Variants in SLC38A1 observed in about 807,000 individuals in gnomAD.
The protein encoded by SLC38A1 is solute carrier family 38 member 1.
SLC38A1 carries 18 observed loss-of-function variants against 60.3 expected under a neutral mutation model. The observed-to-expected ratio is 0.30, with a 90% CI of 0.21 to 0.44. The LOEUF is 0.44. Ranked by LOEUF, SLC38A1 falls within the 20% of genes least tolerant of loss-of-function variation. The pLI is 1.00. For missense variants in SLC38A1, 448 were observed against 587.2 expected (o/e 0.76, Z 2.45); for synonymous variants, 196 against 212.1 (o/e 0.92, Z 0.66).
Position 46,223,187 on chromosome 12 carries a change from G to A in SLC38A1, c.314+5966C>T, listed in dbSNP as rs181026012. Among the ~76,000 whole-genome samples the A allele has an allele frequency of 5.3e-5, 8 of 152,222 alleles. No homozygotes were observed. In the East Asian group the frequency reaches 5.8e-4, roughly 11 times the overall value. ...AGAGTCAAGCAAGCCTGGATGGGAC[G>A]CTGGCTCCCCTACTTTCTAATGTGT... On this transcript the variant is annotated intron_variant, in intron 5 of 16. Transcript: ENST00000398637.
rs1209105526 is a variant in SLC38A1 at position 46,184,180 on chromosome 12, A to G, written c.*4790T>C. 6.6e-6 allele frequency: 1 copy of G among 152,522 alleles called. No homozygotes were observed. Among genetic ancestry groups the G allele is most frequent in the Non-Finnish European group, 1.5e-5 (1 of 68,028 alleles). The allele number at this position is 152,522 out of a possible 1,614,324, so 9.4% of individuals were successfully genotyped here. ...TGTGAACTTTACATATTTTGCAAGAACTTTCTCTTTGAGATTTAGTGATAG... is the reference window on the plus strand; with the variant it reads ...TGTGAACTTTACATATTTTGCAAGAGCTTTCTCTTTGAGATTTAGTGATAG... On this transcript the variant is annotated 3_prime_UTR_variant, in exon 17 of 17. Coordinates refer to ENST00000398637, the MANE Select transcript of SLC38A1 (RefSeq NM_030674.4).
At position 46,186,564 on chromosome 12, in the gene SLC38A1, T is replaced by A. The variant is rs1938943674; in HGVS notation, c.*2406A>T. 2 of 152,218 alleles carry A rather than the reference T, an allele frequency of 1.3e-5. No homozygotes were observed. Among genetic ancestry groups the A allele is most frequent in the Non-Finnish European group, 2.9e-5 (2 of 68,046 alleles). The allele number at this position is 152,218 out of a possible 1,614,324, so 9.4% of individuals were successfully genotyped here. A position where few individuals can be genotyped will look rare whatever the true frequency, so the allele number is the denominator to read the frequency against. On this transcript the variant is annotated 3_prime_UTR_variant, in exon 17 of 17. Transcript: ENST00000398637. ...TACAGCTAATCTCACACAAAGGATG[T>A]AACTAATCAGTGATATTTGACGAAT... is the stretch of plus-strand genomic sequence containing the variant.
chr12:46,207,371 T>C (rs1354600146), intron 7 of SLC38A1, 135 bp from the exon 8 acceptor site: 1 of 1,042,864 alleles, frequency 9.6e-7, no homozygotes, highest in East Asian at 2.6e-5. Flanking sequence ...CTAGCAGGAT[T>C]TGTGGCTTTA....
intron 5 of SLC38A1, among the ~76,000 whole-genome samples, chr12:46,217,843 G>A (rs1259397988): frequency 6.6e-6 from 1 of 152,204 alleles, no homozygotes; most frequent in Admixed American, 6.5e-5. Context: ...AACAGGTGGA[G>A]AGCAATTATT....
intron 16 of SLC38A1, among the ~76,000 whole-genome samples, chr12:46,191,236 T>C (rs1220271780): frequency 6.6e-6 from 1 of 152,202 alleles, no homozygotes; most frequent in Non-Finnish European, 1.5e-5. Flanking sequence ...AAAGATCAGA[T>C]GGTTGTAGAT....
chr12:46,258,903 C>T (rs923666970), intron 1 of SLC38A1, among the ~76,000 whole-genome samples: 1 of 152,210 alleles, frequency 6.6e-6, no homozygotes, highest in Admixed American at 6.5e-5. Context: ...ATCCACCTAA[C>T]TCAACCTCCC....
chr12:46,198,556 G>A, intron 14 of SLC38A1, 69 bp downstream of exon 14: 8 of 1,041,126 alleles, frequency 7.7e-6, no homozygotes, highest in Admixed American at 5.1e-5. Flanking sequence ...TCTCTGCAAC[G>A]GGCTCCTGCA....
At chr12:46,259,566 A>G (rs1401704623) in intron 1 of SLC38A1, among the ~76,000 whole-genome samples, 1 of 152,234 alleles carries the variant, frequency 6.6e-6, no homozygotes, top group African/African-American at 2.4e-5. Context: ...ACTTTAATTA[A>G]AATAAAAAAT....
rs373437644 is a variant in SLC38A1, at chr12:46,251,945, C to G, written c.-208-8631G>C. Among the ~76,000 whole-genome samples the G allele has an allele frequency of 6.6e-5, 10 of 152,224 alleles. No individual in the cohort carries two copies. The East Asian group carries it at 9.6e-4, about 15-fold the overall frequency. Reference sequence around the variant, plus strand: ...GACAGTGTGGCAATTCCTCAAGGATCTAGAACCAGAAATACCATTTGACCC... The same window carrying G: ...GACAGTGTGGCAATTCCTCAAGGATGTAGAACCAGAAATACCATTTGACCC... On this transcript the variant is annotated intron_variant, in intron 1 of 16. Coordinates refer to ENST00000398637, the MANE Select transcript of SLC38A1 (RefSeq NM_030674.4).
chr12:46,211,105 A>G (rs751102124), intron 5 of SLC38A1, among the ~76,000 whole-genome samples: 1 of 152,250 alleles, frequency 6.6e-6, no homozygotes, highest in South Asian at 2.1e-4. Flanking sequence ...ATGTCAAAGA[A>G]GCAAGCTTTC....
rs1242666828 is a variant in SLC38A1 at position 46,184,014 on chromosome 12, A to G, written c.*4956T>C. The G allele has an allele frequency of 6.6e-6, 1 of 152,662 alleles. No individual in the cohort carries two copies. Among genetic ancestry groups the G allele is most frequent in the East Asian group, 1.9e-4 (1 of 5,206 alleles). 9.5% of individuals were successfully genotyped at this position (152,662 alleles called of 1,614,324 possible). A position where few individuals can be genotyped will look rare whatever the true frequency, so the allele number is the denominator to read the frequency against. ...TATTTATTTACAATAATATTTACAT[A>G]CAAATGAAGTATTTCCTGCAATAAG... On this transcript the variant is annotated 3_prime_UTR_variant, in exon 17 of 17. Coordinates refer to ENST00000398637, the MANE Select transcript of SLC38A1 (RefSeq NM_030674.4).
At chr12:46,223,442 T>G (rs1940738246) in intron 5 of SLC38A1, among the ~76,000 whole-genome samples, 1 of 146,102 alleles carries the variant, frequency 6.8e-6, no homozygotes, top group Non-Finnish European at 1.5e-5. Context: ...TCTCTCTTTC[T>G]CTCTCACATT....
At chr12:46,212,228 C>T (rs542573406) in intron 5 of SLC38A1, among the ~76,000 whole-genome samples, 5 of 152,218 alleles carry the variant, frequency 3.3e-5, no homozygotes, top group East Asian at 3.9e-4. Flanking sequence ...CCTAATTGTC[C>T]GGGTAGATAT....
chr12:46,246,157 G>A (rs973961575), intron 1 of SLC38A1, among the ~76,000 whole-genome samples: 1 of 152,176 alleles, frequency 6.6e-6, no homozygotes, highest in African/African-American at 2.4e-5. Context: ...GGACTGGTTG[G>A]ACAGTGGGTA....
intron 5 of SLC38A1, among the ~76,000 whole-genome samples, chr12:46,211,802 T>A (rs894711736): frequency 6.6e-6 from 1 of 152,042 alleles, no homozygotes; most frequent in Non-Finnish European, 1.5e-5. Context: ...GTACTTAGAG[T>A]CTGATAGTTT....
intron 3 of SLC38A1, among the ~76,000 whole-genome samples, chr12:46,233,359 C>T (rs1941146276): frequency 6.6e-6 from 1 of 152,204 alleles, no homozygotes; most frequent in Non-Finnish European, 1.5e-5. Context: ...CTCAAGTCTA[C>T]TAAGTCTATC....
intron 3 of SLC38A1, among the ~76,000 whole-genome samples, chr12:46,237,865 G>A (rs1253125912): frequency 6.6e-6 from 1 of 151,746 alleles, no homozygotes; most frequent in Non-Finnish European, 1.5e-5. Flanking sequence ...GTTCAGTGGA[G>A]GTCAGCAGGG....
chr12:46,207,431 T>A, intron 7 of SLC38A1, 98 bp downstream of exon 7: 1 of 1,229,382 alleles, frequency 8.1e-7, no homozygotes, highest in South Asian at 1.3e-5. Context: ...ATTTTAGCAA[T>A]GAGGATGATA....
Position 46,184,226 on chromosome 12 carries a change from C to T in SLC38A1, c.*4744G>A, listed in dbSNP as rs1176082094. 1 of 152,272 alleles carries T rather than the reference C, an allele frequency of 6.6e-6. No individual in the cohort carries two copies. Among genetic ancestry groups the T allele is most frequent in the Non-Finnish European group, 1.5e-5 (1 of 68,032 alleles). 9.4% of individuals were successfully genotyped at this position (152,272 alleles called of 1,614,324 possible). A position where few individuals can be genotyped will look rare whatever the true frequency, so the allele number is the denominator to read the frequency against. On this transcript the variant is annotated 3_prime_UTR_variant, in exon 17 of 17. Coordinates refer to ENST00000398637, the MANE Select transcript of SLC38A1 (RefSeq NM_030674.4). ...GATAGTTTTTAGTTGTTAGACACCC[C>T]ACCTTCAGCTTGTACCTGAAAGCTT...
Sources: gnomAD v4.1 joint callset for allele counts (sites outside exome capture counted in the v4.1 genomes callset) on GRCh38, gnomAD v4.1.1 for gene constraint, MANE v1.5 for transcripts, NCBI Gene and HGNC (gene_info 2026-07-23, HGNC 2026-07-21) for gene names.